IL15RA: variants seen among roughly 807,000 people sequenced by gnomAD.
IL15RA encodes the protein interleukin 15 receptor subunit alpha, also known as interleukin-15 receptor subunit alpha.
IL15RA carries 26 observed loss-of-function variants against 24.2 expected under a neutral mutation model. That is an observed-to-expected ratio of 1.07 (90% CI 0.79 to 1.49). The LOEUF is 1.49. IL15RA is among the 40% of genes most tolerant of loss of function. The pLI, the probability that IL15RA is intolerant of heterozygous loss-of-function variation, is 0.00. For synonymous variants in IL15RA, 166 were observed against 157.6 expected, an observed-to-expected ratio of 1.05 and a Z score of -0.40; for missense variants, 354 against 356.4, an observed-to-expected ratio of 0.99 and a Z score of 0.05.
rs1837361601 is a variant in IL15RA, at chr10:5,970,314, T to C, written c.89-3975A>G. On this transcript the variant is annotated intron_variant, in intron 1 of 6. Coordinates refer to ENST00000379977, the MANE Select transcript of IL15RA (RefSeq NM_002189.4). The surrounding 1 kb of genome is among the most constrained non-coding windows in gnomAD (Gnocchi z 4.1). ...TCTCTCCCCCAAGCCCTTGTGCTATTGTTCTATGTTTTGCTTTGACATATG... is the reference window on the plus strand; with the variant it reads ...TCTCTCCCCCAAGCCCTTGTGCTATCGTTCTATGTTTTGCTTTGACATATG... Among the ~76,000 whole-genome samples the C allele has an allele frequency of 6.6e-6, 1 of 152,258 alleles. No homozygotes were observed. Among genetic ancestry groups the C allele is most frequent in the Non-Finnish European group, 1.5e-5 (1 of 68,050 alleles).
At position 5,959,657 on chromosome 10, in the gene IL15RA, G is replaced by T; in HGVS notation, c.616+97C>A. On this transcript the variant is annotated intron_variant, in intron 5 of 6. Transcript: ENST00000379977. This position sits in a 1 kb window ranked among gnomAD's most constrained non-coding sequence, Gnocchi z 4.1. ...GAGTGTGGAAGGGGCTGCTGTCAGG[G>T]CTGTGCTGGGGCAGCGGGCCTGGGC... 2.0e-6 allele frequency: 2 copies of T among 1,003,516 alleles called. No homozygotes were observed. Among genetic ancestry groups the T allele is most frequent in the Non-Finnish European group, 3.2e-6 (2 of 629,836 alleles). 62.2% of individuals were successfully genotyped at this position (1,003,516 alleles called of 1,614,324 possible). A position where few individuals can be genotyped will look rare whatever the true frequency, so the allele number is the denominator to read the frequency against.
Position 5,968,945 on chromosome 10 carries a change from A to T in IL15RA, c.89-2606T>A, listed in dbSNP as rs1453791526. On this transcript the variant is annotated intron_variant, in intron 1 of 6. Transcript: ENST00000379977. The surrounding 1 kb of genome is among the most constrained non-coding windows in gnomAD (Gnocchi z 5.4). Reference sequence around the variant, plus strand: ...CTCTTGCATCTGTAACAGGTTTTGTACAGGAAGTGTTCCCTGCCCATTTCC... The same window carrying T: ...CTCTTGCATCTGTAACAGGTTTTGTTCAGGAAGTGTTCCCTGCCCATTTCC... 9 of 1,534,520 alleles carry T rather than the reference A, an allele frequency of 5.9e-6. No homozygotes were observed. Among genetic ancestry groups the T allele is most frequent in the Non-Finnish European group, 7.9e-6 (9 of 1,145,918 alleles).
At chr10:5,977,765 C>T (rs193159132), upstream of IL15RA, 103 of 727,680 alleles carry the variant, frequency 1.4e-4, no homozygotes, top group Admixed American at 1.5e-3. Flanking sequence ...CGGTGGGGAC[C>T]CAGGACCTTA....
rs748085633 is a variant in IL15RA, at chr10:5,955,779, G to C, written c.692+600C>G. Among the ~76,000 whole-genome samples, 1 of 152,144 alleles carries C rather than the reference G, an allele frequency of 6.6e-6. No homozygotes were observed. Among genetic ancestry groups the C allele is most frequent in the Non-Finnish European group, 1.5e-5 (1 of 68,032 alleles). On this transcript the variant is annotated intron_variant, in intron 6 of 6. Transcript: ENST00000379977. This position sits in a 1 kb window ranked among gnomAD's most constrained non-coding sequence, Gnocchi z 5.3. ...TGAGGACTTTCAAGAATATATTCAT[G>C]AGGGTATCACAAGAAGAATGGGTAG...
In IL15RA at chr10:5,966,564, G is replaced by A. The variant is rs1219713227; in HGVS notation, c.89-225C>T. Reference sequence around the variant, plus strand: ...GTCAGCCAGCAAAACTACAGATGAGGGCGTGGGGAGAGGGTCATCGATGAA... The same window carrying A: ...GTCAGCCAGCAAAACTACAGATGAGAGCGTGGGGAGAGGGTCATCGATGAA... On this transcript the variant is annotated intron_variant, in intron 1 of 6. Transcript: ENST00000379977. The surrounding 1 kb of genome is among the most constrained non-coding windows in gnomAD (Gnocchi z 6.4). Among the ~76,000 whole-genome samples the A allele has an allele frequency of 6.6e-6, 1 of 151,988 alleles. No homozygotes were observed. Among genetic ancestry groups the A allele is most frequent in the African/African-American group, 2.4e-5 (1 of 41,362 alleles).
At position 5,958,862 on chromosome 10, in the gene IL15RA, C is replaced by T. The variant is rs1175174399; in HGVS notation, c.616+892G>A. Among the ~76,000 whole-genome samples the T allele has an allele frequency of 6.6e-6, 1 of 152,096 alleles. No homozygotes were observed. The highest frequency in any genetic ancestry group is 1.5e-5 in the Non-Finnish European group (1 of 68,024). The stretch of plus-strand genomic sequence containing the variant: ...AATAATTTTTGTCCATATCAAATTA[C>T]AGTTGGGTTTTTTGTTACTTTGGAA... On this transcript the variant is annotated intron_variant, in intron 5 of 6. Transcript: ENST00000379977. The surrounding 1 kb of genome is among the most constrained non-coding windows in gnomAD (Gnocchi z 4.3).
intron 6 of IL15RA, 132 bp downstream of exon 6, chr10:5,956,244 ACCT>A: frequency 1.5e-6 from 1 of 667,606 alleles, no homozygotes; most frequent in Non-Finnish European, 2.7e-6. Context: ...CAAACTCCTG[ACCT>A]CAAGTGATCT....
At chr10:5,949,350 A>C (rs1472837164), downstream of IL15RA, 1 of 471,078 alleles carries the variant, frequency 2.1e-6, no homozygotes, top group Non-Finnish European at 4.4e-6. The surrounding 1 kb of genome is among the most constrained non-coding windows in gnomAD (Gnocchi z 4.4). Flanking sequence ...CACTTAGGGA[A>C]GTAAAGTGTC....
Position 5,965,171 on chromosome 10 carries a change from G to C in IL15RA, c.283+974C>G, listed in dbSNP as rs753344569. 1.2e-4 allele frequency among the ~76,000 whole-genome samples: 19 copies of C among 152,172 alleles called. No individual in the cohort carries two copies. Among genetic ancestry groups the C allele is most frequent in the African/African-American group, 4.6e-4 (19 of 41,446 alleles). On this transcript the variant is annotated intron_variant, in intron 2 of 6. Coordinates refer to ENST00000379977, the MANE Select transcript of IL15RA (RefSeq NM_002189.4). This position sits in a 1 kb window ranked among gnomAD's most constrained non-coding sequence, Gnocchi z 5.8. ...AGTGTTCCAGAAACAGCTCCAAGTGGTTCCCACCCGAGATGGTTTGGCTGC... is the reference window on the plus strand; with the variant it reads ...AGTGTTCCAGAAACAGCTCCAAGTGCTTCCCACCCGAGATGGTTTGGCTGC...
At chr10:5,977,312 G>A (rs1838615289) in intron 1 of IL15RA, 93 bp downstream of exon 1, 4 of 540,182 alleles carry the variant, frequency 7.4e-6, no homozygotes, top group Non-Finnish European at 1.1e-5. Flanking sequence ...GCCCCCGCAC[G>A]GCCCGGGGAG....
At position 5,958,932 on chromosome 10, in the gene IL15RA, G is replaced by A. The variant is rs8177708; in HGVS notation, c.616+822C>T. On this transcript the variant is annotated intron_variant, in intron 5 of 6. Coordinates refer to ENST00000379977, the MANE Select transcript of IL15RA (RefSeq NM_002189.4). This position sits in a 1 kb window ranked among gnomAD's most constrained non-coding sequence, Gnocchi z 4.3. ...GACTTGCATTCTTCTCATTACCTGCGTTCTTCCTCCCTGCCTGCTTCCCTT... is the reference window on the plus strand; with the variant it reads ...GACTTGCATTCTTCTCATTACCTGCATTCTTCCTCCCTGCCTGCTTCCCTT... Among the ~76,000 whole-genome samples, 305 of 152,076 alleles carry A rather than the reference G, an allele frequency of 2.0e-3. 1 individual carries two copies. The highest frequency in any genetic ancestry group is 7.0e-3 in the African/African-American group (290 of 41,490).
intron 1 of IL15RA, among the ~76,000 whole-genome samples, chr10:5,972,017 G>A (rs1837690250): frequency 6.6e-6 from 1 of 152,160 alleles, no homozygotes; most frequent in South Asian, 2.1e-4. Context: ...GAAGACATCT[G>A]GCCTCTTCTG....
intron 1 of IL15RA, among the ~76,000 whole-genome samples, chr10:5,974,906 TTAAAAA>T (rs1332645924): frequency 1.3e-5 from 2 of 150,890 alleles, no homozygotes; most frequent in Admixed American, 1.3e-4. Context: ...TAAATAAAAA[TTAAAAA>T]TAAATAAATA....
rs1012384115 is a variant in IL15RA at position 5,966,986 on chromosome 10, T to C, written c.89-647A>G. Among the ~76,000 whole-genome samples, 1 of 151,602 alleles carries C rather than the reference T, an allele frequency of 6.6e-6. No individual in the cohort carries two copies. The highest frequency in any genetic ancestry group is 1.5e-5 in the Non-Finnish European group (1 of 67,932). On this transcript the variant is annotated intron_variant, in intron 1 of 6. Transcript: ENST00000379977. This position sits in a 1 kb window ranked among gnomAD's most constrained non-coding sequence, Gnocchi z 6.4. Reference sequence around the variant, plus strand: ...CTGGTCTTGAACTCCTAACCTCAAATGATCTGCCCGCCTCGGCCTCCCAAA... The same window carrying C: ...CTGGTCTTGAACTCCTAACCTCAAACGATCTGCCCGCCTCGGCCTCCCAAA...
At position 5,964,677 on chromosome 10, in the gene IL15RA, C is replaced by T. The variant is rs905850561; in HGVS notation, c.284-836G>A. On this transcript the variant is annotated intron_variant, in intron 2 of 6. Transcript: ENST00000379977. The surrounding 1 kb of genome is among the most constrained non-coding windows in gnomAD (Gnocchi z 5.6). Reference sequence around the variant, plus strand: ...TGACCCTGGAGCCCATAGCTCTTCTCCATCCCGGATTCATTTGCCCAAAGG... The same window carrying T: ...TGACCCTGGAGCCCATAGCTCTTCTTCATCCCGGATTCATTTGCCCAAAGG... Among the ~76,000 whole-genome samples, 33 of 152,236 alleles carry T rather than the reference C, an allele frequency of 2.2e-4. No homozygotes were observed. The highest frequency in any genetic ancestry group is 1.3e-4 in the Non-Finnish European group (9 of 68,046).
downstream of IL15RA, among the ~76,000 whole-genome samples, chr10:5,951,800 G>A (rs1271646788): frequency 6.6e-6 from 1 of 152,202 alleles, no homozygotes; most frequent in Admixed American, 6.5e-5. Flanking sequence ...ACTCCAGCCT[G>A]GGTGACAGAG....
chr10:5,952,836 C>T lies in IL15RA; in HGVS notation c.*259G>A. ...ATGAAATAAAAATCCTGCTCAGAAG[C>T]CTTTGGTCTCTCCTGGGAAGCTGGG... On this transcript the variant is annotated 3_prime_UTR_variant, in exon 7 of 7. Transcript: ENST00000379977. 1 of 559,794 alleles carries T rather than the reference C, an allele frequency of 1.8e-6. No homozygotes were observed. Among genetic ancestry groups the T allele is most frequent in the Non-Finnish European group, 3.2e-6 (1 of 316,904 alleles). 34.7% of individuals were successfully genotyped at this position (559,794 alleles called of 1,614,324 possible).
At chr10:5,972,516 A>G (rs1837776367) in intron 1 of IL15RA, among the ~76,000 whole-genome samples, 1 of 152,262 alleles carries the variant, frequency 6.6e-6, no homozygotes, top group Non-Finnish European at 1.5e-5. Flanking sequence ...AAGATGAATT[A>G]GAAAAAACTC....
downstream of IL15RA, among the ~76,000 whole-genome samples, chr10:5,951,416 A>C (rs1183507228): frequency 6.6e-6 from 1 of 152,148 alleles, no homozygotes; most frequent in Non-Finnish European, 1.5e-5. Flanking sequence ...CCATCTCCCA[A>C]ATGCTCACAG....
Sources: allele counts gnomAD v4.1 joint callset (sites outside exome capture counted in the v4.1 genomes callset), GRCh38; gene constraint gnomAD v4.1.1; non-coding constraint Gnocchi (gnomAD v3.1); transcripts MANE v1.5; gene names NCBI Gene and HGNC (gene_info 2026-07-23, HGNC 2026-07-21).